Variants in MKLN1 observed in about 807,000 individuals in gnomAD.
MKLN1 encodes the protein muskelin 1, also known as muskelin.
A neutral mutation model predicts 99.0 loss-of-function variants in MKLN1; 18 were observed. That is an observed-to-expected ratio of 0.18 (90% CI 0.13 to 0.27). The LOEUF is 0.27. Among genes scored for constraint, MKLN1 ranks in the 10% least tolerant of loss-of-function variants. The probability of loss-of-function intolerance (pLI) is 1.00; values close to 1 mark genes in which losing one functional copy is unlikely to be tolerated. For missense variants in MKLN1, 621 were observed against 875.9 expected, an observed-to-expected ratio of 0.71 and a Z score of 3.67; for synonymous variants, 288 against 293.2, an observed-to-expected ratio of 0.98 and a Z score of 0.18.
In MKLN1 at chr7:131,472,817, A is replaced by G. The variant is rs573988740; in HGVS notation, c.2031+1873A>G. Among the ~76,000 whole-genome samples, 39 of 152,050 alleles carry G rather than the reference A, an allele frequency of 2.6e-4. 1 individual carries two copies. The South Asian group carries it at 3.7e-3, about 15-fold the overall frequency. ...TACAAAAAAATTAGCCAGGCTTGGT[A>G]GTGGGCTCCTGTAGTCCCAGCTACT... On this transcript the variant is annotated intron_variant, in intron 16 of 17. Transcript: ENST00000352689.
intron 3 of MKLN1, among the ~76,000 whole-genome samples, chr7:131,229,584 A>G (rs536947109): frequency 2.2e-4 from 33 of 151,582 alleles, no homozygotes; most frequent in African/African-American, 7.5e-4. Context: ...ACAGGGTTTC[A>G]CTCTCTTACC....
At chr7:131,475,407 T>G (rs928263156) in intron 16 of MKLN1, among the ~76,000 whole-genome samples, 1 of 152,202 alleles carries the variant, frequency 6.6e-6, no homozygotes, top group Admixed American at 6.5e-5. Context: ...CAGTAAATTT[T>G]ATCAACCATT....
chr7:131,193,426 T>A, intron 2 of MKLN1, among the ~76,000 whole-genome samples: 1 of 152,122 alleles, frequency 6.6e-6, no homozygotes, highest in Non-Finnish European at 1.5e-5. Context: ...AGTGCAGTGG[T>A]GCGATCTCAG....
intron 2 of MKLN1, among the ~76,000 whole-genome samples, chr7:131,159,957 A>G (rs913378347): frequency 6.6e-6 from 1 of 152,108 alleles, no homozygotes; most frequent in African/African-American, 2.4e-5. Flanking sequence ...CACAAAGCGA[A>G]TGAGTAATGA....
intron 3 of MKLN1, among the ~76,000 whole-genome samples, chr7:131,222,521 G>T (rs1797074399): frequency 6.6e-6 from 1 of 152,132 alleles, no homozygotes; most frequent in South Asian, 2.1e-4. Context: ...CTTTTACAAA[G>T]CATCTCCCCT....
At chr7:131,440,896 C>T (rs1795818769) in intron 10 of MKLN1, among the ~76,000 whole-genome samples, 1 of 151,948 alleles carries the variant, frequency 6.6e-6, no homozygotes, top group South Asian at 2.1e-4. Flanking sequence ...ATATTAATAA[C>T]ACTGACTATA....
At chr7:131,122,069 G>A (rs1795381046) in intron 1 of MKLN1, among the ~76,000 whole-genome samples, 1 of 152,222 alleles carries the variant, frequency 6.6e-6, no homozygotes, top group Non-Finnish European at 1.5e-5. Context: ...TCTCGTAAGC[G>A]TTAAGCTCCT....
At chr7:131,454,518 A>G (rs1796278746) in intron 12 of MKLN1, among the ~76,000 whole-genome samples, 1 of 152,224 alleles carries the variant, frequency 6.6e-6, no homozygotes. Context: ...CCCAACTTTC[A>G]AAGAGAAGGA....
At chr7:131,281,947 A>G (rs1442862001) in intron 3 of MKLN1, among the ~76,000 whole-genome samples, 3 of 151,990 alleles carry the variant, frequency 2.0e-5, no homozygotes, top group Non-Finnish European at 2.9e-5. Context: ...TGCTGGGATT[A>G]CAGCCACCAT....
chr7:131,216,669 C>G (rs918624488), intron 3 of MKLN1, among the ~76,000 whole-genome samples: 1 of 152,166 alleles, frequency 6.6e-6, no homozygotes, highest in African/African-American at 2.4e-5. Flanking sequence ...CACAATGCTA[C>G]TCAATTTCTA....
In MKLN1 at chr7:131,117,588, T is replaced by G. The variant is rs1254851624; in HGVS notation, c.-419+7381T>G. 2.0e-5 allele frequency among the ~76,000 whole-genome samples: 3 copies of G among 152,210 alleles called. No homozygotes were observed. In the South Asian group the frequency reaches 6.2e-4, roughly 31 times the overall value. Reference sequence around the variant, plus strand: ...CATTACTAAGTAAAAAAAATTACAATGAAGAACAACGTGTATTTTGCTAGC... The same window carrying G: ...CATTACTAAGTAAAAAAAATTACAAGGAAGAACAACGTGTATTTTGCTAGC... On this transcript the variant is annotated intron_variant, in intron 1 of 7. Coordinates refer to the MKLN1 transcript ENST00000416992.
At chr7:131,232,800 G>C (rs181552867) in intron 3 of MKLN1, among the ~76,000 whole-genome samples, 1 of 151,960 alleles carries the variant, frequency 6.6e-6, no homozygotes, top group African/African-American at 2.4e-5. Context: ...AGTGAGCTAC[G>C]ATGCCACTGC....
chr7:131,411,420 T>G, intron 7 of MKLN1, 37 bp downstream of exon 7: 1 of 1,343,562 alleles, frequency 7.4e-7, no homozygotes, highest in Admixed American at 1.7e-5. Context: ...TCTTTTTCAT[T>G]AATGTCTCAG....
intron 9 of MKLN1, among the ~76,000 whole-genome samples, chr7:131,432,099 C>T (rs1482898182): frequency 6.6e-6 from 1 of 152,156 alleles, no homozygotes; most frequent in Non-Finnish European, 1.5e-5. Flanking sequence ...TCATGTTTCC[C>T]TATCTGAATT....
chr7:131,287,373 C>T (rs976325398), intron 3 of MKLN1, among the ~76,000 whole-genome samples: 6 of 152,218 alleles, frequency 3.9e-5, no homozygotes, highest in Non-Finnish European at 8.8e-5. Flanking sequence ...CTCCTGAAAG[C>T]TCTGGGGGAG....
chr7:131,363,128 T>C (rs572227364), intron 1 of MKLN1, among the ~76,000 whole-genome samples: 28 of 152,188 alleles, frequency 1.8e-4, no homozygotes, highest in African/African-American at 6.5e-4. Flanking sequence ...CCTGTAGTTT[T>C]AGAAGGAAGA....
At chr7:131,396,192 C>T (rs1029549816) in intron 4 of MKLN1, among the ~76,000 whole-genome samples, 1 of 152,108 alleles carries the variant, frequency 6.6e-6, no homozygotes, top group African/African-American at 2.4e-5. Flanking sequence ...CTTGCCACAG[C>T]CTCCCAAGTA....
In MKLN1 at chr7:131,461,479, A is replaced by T. The variant is rs376559019; in HGVS notation, c.1526-1738A>T. 6.0e-4 allele frequency among the ~76,000 whole-genome samples: 92 copies of T among 152,156 alleles called. 1 individual carries two copies. Among genetic ancestry groups the T allele is most frequent in the Admixed American group, 2.1e-3 (32 of 15,254 alleles). ...GGTGTGTGTGTGTGTGTATAATTTT[A>T]TAATATAGTTACTGTGAAATGCATT... On this transcript the variant is annotated intron_variant, in intron 12 of 17. Coordinates refer to ENST00000352689, the MANE Select transcript of MKLN1 (RefSeq NM_013255.5).
At chr7:131,278,376 C>A (rs1798004866) in intron 3 of MKLN1, among the ~76,000 whole-genome samples, 1 of 151,908 alleles carries the variant, frequency 6.6e-6, no homozygotes, top group African/African-American at 2.4e-5. Context: ...TCTTTATAAT[C>A]CAGGTGATCC....
Sources: allele counts gnomAD v4.1 joint callset (sites outside exome capture counted in the v4.1 genomes callset), GRCh38; gene constraint gnomAD v4.1.1; transcripts MANE v1.5; gene names NCBI Gene and HGNC (gene_info 2026-07-23, HGNC 2026-07-21).